The following POLR1D variants were observed in gnomAD, a reference collection of about 807,000 sequenced individuals.
The protein encoded by POLR1D is DNA-directed RNA polymerases I and III subunit RPAC2.
POLR1D carries 8 observed loss-of-function variants against 10.8 expected under a neutral mutation model. That is an observed-to-expected ratio of 0.74 (90% CI 0.43 to 1.33). The LOEUF (loss-of-function observed/expected upper bound fraction) is 1.33, where lower values mean the gene tolerates loss of function less well. Ranked by LOEUF, POLR1D falls within the 40% of genes most tolerant of loss-of-function variation. POLR1D has a pLI of 0.01. For synonymous variants in POLR1D, 54 were observed against 57.2 expected (o/e 0.94, Z 0.25); for missense variants, 152 against 161.7 (o/e 0.94, Z 0.32).
chr13:27,657,782 A>G (rs1414893067), intron 2 of POLR1D, among the ~76,000 whole-genome samples: 2 of 152,144 alleles, frequency 1.3e-5, no homozygotes, highest in Non-Finnish European at 2.9e-5. Flanking sequence ...CTCTCTCATA[A>G]TGTTCACATT....
chr13:27,656,443 C>A (rs115778953), intron 2 of POLR1D, among the ~76,000 whole-genome samples: 173 of 152,126 alleles, frequency 1.1e-3, no homozygotes, highest in African/African-American at 3.8e-3. Context: ...CAGAGCTAGG[C>A]TCTGCTATTT....
intron 1 of POLR1D, among the ~76,000 whole-genome samples, chr13:27,643,838 G>A (rs1956196482): frequency 6.6e-6 from 1 of 152,160 alleles, no homozygotes; most frequent in South Asian, 2.1e-4. Context: ...AGCAAATGAT[G>A]CTGTACTCAT....
chr13:27,640,794 TC>T (rs1311359876), intron 1 of POLR1D, among the ~76,000 whole-genome samples: 2 of 152,164 alleles, frequency 1.3e-5, no homozygotes, highest in East Asian at 1.9e-4. Flanking sequence ...TCCCTCAGTA[TC>T]CCTGGGGGAT....
intron 2 of POLR1D, chr13:27,665,394 T>G (rs1956405502): frequency 2.8e-6 from 1 of 359,396 alleles, no homozygotes; most frequent in Non-Finnish European, 5.1e-6. Flanking sequence ...ATTCTGTTAG[T>G]TCACAGTGTG....
chr13:27,646,531 A>G (rs942372854), intron 1 of POLR1D, among the ~76,000 whole-genome samples: 7 of 152,222 alleles, frequency 4.6e-5, no homozygotes, highest in African/African-American at 1.7e-4. Flanking sequence ...TCAACATGTC[A>G]GTAGATAGGC....
rs752330161 is a variant in POLR1D, at chr13:27,621,945, C to T, written c.-39C>T. On this transcript the variant is annotated 5_prime_UTR_variant, in exon 1 of 2. Transcript: ENST00000302979. ...CGCGCTATGGGACAGAGCCCCCGAT[C>T]CGCCAGCACCACCTGAGGATCCAGA... 1.3e-6 allele frequency: 2 copies of T among 1,579,214 alleles called. No individual in the cohort carries two copies. The highest frequency in any genetic ancestry group is 2.3e-5 in the East Asian group (1 of 43,628).
At chr13:27,652,477 A>G (rs1956274601) in intron 2 of POLR1D, among the ~76,000 whole-genome samples, 1 of 152,152 alleles carries the variant, frequency 6.6e-6, no homozygotes, top group East Asian at 1.9e-4. Context: ...AAATCTCCCA[A>G]TCATAGGGTA....
At chr13:27,653,032 G>A (rs1037822040) in intron 2 of POLR1D, among the ~76,000 whole-genome samples, 45 of 146,972 alleles carry the variant, frequency 3.1e-4, no homozygotes, top group Non-Finnish European at 6.2e-4. Flanking sequence ...CCGAGTAGCT[G>A]GGATTACAGG....
intron 1 of POLR1D, chr13:27,648,095 TAAGAA>T: frequency 1.1e-5 from 3 of 269,224 alleles, no homozygotes; most frequent in Non-Finnish European, 2.2e-5. Context: ...TTCAAATTAA[TAAGAA>T]AAGATAATTC....
rs151117322 is a variant in POLR1D, at chr13:27,622,743, A to G, written c.27-132A>G. 668 of 647,004 alleles carry G rather than the reference A, an allele frequency of 1.0e-3. 2 individuals carry two copies. Among genetic ancestry groups the G allele is most frequent in the Non-Finnish European group, 1.2e-3 (434 of 365,288 alleles). 40.1% of individuals were successfully genotyped at this position (647,004 alleles called of 1,614,324 possible). ...TAGAGTTTGTGGAGGCAGGAAAATG[A>G]GAGGCGAATAATTCTGTGTAGCTGG... On this transcript the variant is annotated intron_variant, in intron 1 of 1. Coordinates refer to ENST00000302979, the MANE Select transcript of POLR1D (RefSeq NM_015972.4).
chr13:27,660,596 C>T (rs1358147927), intron 2 of POLR1D, among the ~76,000 whole-genome samples: 1 of 152,208 alleles, frequency 6.6e-6, no homozygotes. Flanking sequence ...GCCAGCTGTT[C>T]TCAGCAGACC....
At position 27,622,912 on chromosome 13, in the gene POLR1D, G is replaced by A. The variant is rs765011144; in HGVS notation, c.64G>A (p.Glu22Lys). Residue 22 changes from glutamate (E) to lysine (K), a missense_variant, in exon 2 of 2, where the codon GAG (glutamate) becomes AAG (lysine). Coordinates refer to ENST00000302979, the MANE Select transcript of POLR1D (RefSeq NM_015972.4). ...ATTGAAGACCTCAATGGCTGAAGGC[G>A]AGAGGAAGACAGCCCTGGAAATGGT... is the stretch of plus-strand genomic sequence containing the variant. Reference protein sequence around the residue: ...SGLKTSMAEGERKTALEMVQA... With the variant: ...SGLKTSMAEGKRKTALEMVQA... 1.1e-5 allele frequency: 17 copies of A among 1,611,232 alleles called. No individual in the cohort carries two copies. Among genetic ancestry groups the A allele is most frequent in the Middle Eastern group, 3.3e-4 (2 of 6,058 alleles).
At chr13:27,645,208 A>G (rs1011516567) in intron 1 of POLR1D, among the ~76,000 whole-genome samples, 1 of 152,184 alleles carries the variant, frequency 6.6e-6, no homozygotes, top group Non-Finnish European at 1.5e-5. Flanking sequence ...GTATCAGCCT[A>G]TCCCCCAGTT....
intron 1 of POLR1D, among the ~76,000 whole-genome samples, chr13:27,622,552 C>T (rs1456560266): frequency 6.6e-6 from 1 of 152,198 alleles, no homozygotes; most frequent in African/African-American, 2.4e-5. Context: ...CATCCTCTAG[C>T]AGGACCAGTC....
chr13:27,644,491 G>GT (rs1453518609), intron 1 of POLR1D, among the ~76,000 whole-genome samples: 1 of 152,200 alleles, frequency 6.6e-6, no homozygotes, highest in Non-Finnish European at 1.5e-5. Context: ...TGAGGAAGCT[G>GT]TGCTAGTATG....
chr13:27,625,395 A>C (rs1032431909), downstream of POLR1D, among the ~76,000 whole-genome samples: 2 of 152,158 alleles, frequency 1.3e-5, no homozygotes, highest in Admixed American at 6.5e-5. Flanking sequence ...TATATTTTAG[A>C]ATTGAATTGG....
At chr13:27,621,259 A>G (rs2232668), upstream of POLR1D, 1 of 152,380 alleles carries the variant, frequency 6.6e-6, no homozygotes, top group Admixed American at 6.5e-5. Context: ...GACGGAAAGG[A>G]TAAGGTGGGA....
chr13:27,646,999 T>G (rs1336908276), intron 1 of POLR1D, among the ~76,000 whole-genome samples: 1 of 152,246 alleles, frequency 6.6e-6, no homozygotes, highest in East Asian at 1.9e-4. Context: ...TAATATAGAC[T>G]CTATATAATT....
chr13:27,625,346 G>A (rs767046168), downstream of POLR1D, among the ~76,000 whole-genome samples: 15 of 152,148 alleles, frequency 9.9e-5, no homozygotes, highest in Non-Finnish European at 1.6e-4. Flanking sequence ...GCCTGGAAGG[G>A]TAGAAGCTAG....
Sources: allele counts gnomAD v4.1 joint callset (sites outside exome capture counted in the v4.1 genomes callset), GRCh38; gene constraint gnomAD v4.1.1; transcripts MANE v1.5; gene names NCBI Gene and HGNC (gene_info 2026-07-23, HGNC 2026-07-21).